Variants in CEP68 observed in about 807,000 individuals in gnomAD.
CEP68 encodes centrosomal protein 68.
A neutral mutation model predicts 55.3 loss-of-function variants in CEP68; 26 were observed. That is an observed-to-expected ratio of 0.47 (90% CI 0.34 to 0.65). The LOEUF is 0.65. Ranked by LOEUF, CEP68 falls within the 30% of genes least tolerant of loss-of-function variation. The pLI is 0.01. For missense variants in CEP68, 957 were observed against 946.7 expected (o/e 1.01, Z -0.14); for synonymous variants, 402 against 383.2 (o/e 1.05, Z -0.57).
intron 4 of CEP68, 84 bp downstream of exon 4, chr2:65,074,488 C>A: frequency 6.3e-7 from 1 of 1,583,918 alleles, no homozygotes. Context: ...CTCAAATAAC[C>A]AATGTCTGGT....
At chr2:65,081,187 G>A (rs1187624331) in intron 5 of CEP68, among the ~76,000 whole-genome samples, 1 of 143,920 alleles carries the variant, frequency 6.9e-6, no homozygotes, top group Non-Finnish European at 1.5e-5. Context: ...ACTCCAGCCT[G>A]GGTGACAGAG....
intron 5 of CEP68, among the ~76,000 whole-genome samples, chr2:65,081,459 T>C (rs141222061): frequency 1.3e-5 from 2 of 152,180 alleles, no homozygotes; most frequent in Non-Finnish European, 1.5e-5. Context: ...TTTCCCTTCC[T>C]CTACTGACAG....
chr2:65,069,988 A>G (rs961082594), intron 2 of CEP68, among the ~76,000 whole-genome samples, 187 bp downstream of exon 2: 1 of 151,858 alleles, frequency 6.6e-6, no homozygotes, highest in Non-Finnish European at 1.5e-5. Context: ...GGCCGGGGGG[A>G]CTGTCCACGG....
At chr2:65,075,940 A>C (rs558597811) in intron 4 of CEP68, among the ~76,000 whole-genome samples, 45 of 151,996 alleles carry the variant, frequency 3.0e-4, no homozygotes, top group Non-Finnish European at 5.9e-4. Context: ...TTTGTTTTCC[A>C]ACTTGGGGCC....
At position 65,066,717 on chromosome 2, in the gene CEP68, ACT is replaced by A. The variant is rs1296889989; in HGVS notation, c.-46-2679_-46-2678del. On this transcript the variant is annotated intron_variant, in intron 1 of 6. Transcript: ENST00000377990. Reference sequence around the variant, plus strand: ...ACACCAGCCTGGAAGACAGAGTGAGACTCTGTCTCAAAAAAAAAAAAAAAAAA... The same window carrying A: ...ACACCAGCCTGGAAGACAGAGTGAGACTGTCTCAAAAAAAAAAAAAAAAAA... 6.0e-5 allele frequency among the ~76,000 whole-genome samples: 6 copies of A among 100,574 alleles called. No homozygotes were observed. The East Asian group carries it at 1.7e-3, about 29-fold the overall frequency. 66.0% of individuals were successfully genotyped at this position (100,574 alleles called of 152,430 possible). A position where few individuals can be genotyped will look rare whatever the true frequency, so the allele number is the denominator to read the frequency against.
chr2:65,058,689 TAG>T (rs1477436180), intron 1 of CEP68, among the ~76,000 whole-genome samples: 2 of 151,800 alleles, frequency 1.3e-5, no homozygotes, highest in African/African-American at 4.9e-5. Flanking sequence ...GTATTTTTGG[TAG>T]AGACAGGGTT....
chr2:65,071,036 C>A (rs1267311123), intron 2 of CEP68: 3 of 186,800 alleles, frequency 1.6e-5, no homozygotes, highest in Non-Finnish European at 3.4e-5. Flanking sequence ...GGCGTGTGAA[C>A]TGAGCAGGAT....
rs900790860 is a variant in CEP68 at position 65,071,864 on chromosome 2, G to C, written c.768G>C (p.Gly256=). The part of the protein sequence containing the change: ...PQWSPQPVFS[G]GDASGLGRRR... ...GGTCACCACAGCCTGTGTTCTCTGG[G>C]GGTGATGCTTCTGGGCTAGGCAGGA... Residue 256 remains glycine (G), a synonymous_variant, in exon 3 of 7, where the codon GGG becomes GGC. Coordinates refer to ENST00000377990, the MANE Select transcript of CEP68 (RefSeq NM_015147.3). 3 of 1,608,492 alleles carry C rather than the reference G, an allele frequency of 1.9e-6. No individual in the cohort carries two copies. In the Admixed American group the frequency reaches 5.0e-5, roughly 27 times the overall value.
At chr2:65,082,430 C>A in intron 5 of CEP68, 106 bp from the exon 6 acceptor site, 2 of 994,318 alleles carry the variant, frequency 2.0e-6, no homozygotes, top group Non-Finnish European at 2.7e-6. Flanking sequence ...CCAGGTCCTA[C>A]TTTGTGTAAA....
In CEP68 at chr2:65,072,156, TCCC is replaced by T; in HGVS notation, c.1063_1065del (p.Pro355del). On this transcript the variant is annotated inframe_deletion, in exon 3 of 7. Coordinates refer to ENST00000377990, the MANE Select transcript of CEP68 (RefSeq NM_015147.3). ...CACCCTCAAATCACCTACTAATGTC[TCCC>T]CCAACTGCCCACCAGCAGAGGCCAC... is the stretch of plus-strand genomic sequence containing the variant. The T allele has an allele frequency of 6.2e-7, 1 of 1,613,694 alleles. No individual in the cohort carries two copies. Among genetic ancestry groups the T allele is most frequent in the African/African-American group, 1.3e-5 (1 of 74,870 alleles).
chr2:65,062,949 C>G (rs894852749), intron 1 of CEP68, among the ~76,000 whole-genome samples: 1 of 152,126 alleles, frequency 6.6e-6, no homozygotes, highest in African/African-American at 2.4e-5. Flanking sequence ...AGAGCCTCAC[C>G]CCTCCCACAG....
At chr2:65,062,439 A>C (rs377348997) in intron 1 of CEP68, among the ~76,000 whole-genome samples, 2 of 151,076 alleles carry the variant, frequency 1.3e-5, no homozygotes, top group East Asian at 3.9e-4. Context: ...AGGCTAAGCC[A>C]GGAGAATTGC....
chr2:65,063,876 G>A (rs139344297), intron 1 of CEP68, among the ~76,000 whole-genome samples: 77 of 152,204 alleles, frequency 5.1e-4, no homozygotes, highest in Non-Finnish European at 9.0e-4. Flanking sequence ...TCTCCCTTTC[G>A]TTGCATTTTG....
chr2:65,079,686 C>A (rs1336353755), intron 5 of CEP68, among the ~76,000 whole-genome samples: 1 of 152,238 alleles, frequency 6.6e-6, no homozygotes, highest in Non-Finnish European at 1.5e-5. Context: ...CATTTAATCA[C>A]AGCCCTGTGA....
rs1214519026 is a variant in CEP68 at position 65,084,664 on chromosome 2, AAGG to A, written c.*1035_*1037del. 6.6e-6 allele frequency: 1 copy of A among 152,214 alleles called. No homozygotes were observed. The highest frequency in any genetic ancestry group is 1.5e-5 in the Non-Finnish European group (1 of 68,038). The allele number at this position is 152,214 out of a possible 1,614,324, so 9.4% of individuals were successfully genotyped here. On this transcript the variant is annotated 3_prime_UTR_variant, in exon 7 of 7. Coordinates refer to ENST00000377990, the MANE Select transcript of CEP68 (RefSeq NM_015147.3). The stretch of plus-strand genomic sequence containing the variant: ...TCTGTTGGGCCATGAATGAACCTGG[AAGG>A]AGGAAAGCACAGTAACAATGGAAAC...
rs1227344211 is a variant in CEP68 at position 65,086,696 on chromosome 2, A to G, written c.*3062A>G. ...GTTTTGTGTCATTTAGCTACTTTAG[A>G]AAATAGTTTCTGAACTCTTTCCCCC... On this transcript the variant is annotated 3_prime_UTR_variant, in exon 7 of 7. Coordinates refer to ENST00000377990, the MANE Select transcript of CEP68 (RefSeq NM_015147.3). 1 of 152,552 alleles carries G rather than the reference A, an allele frequency of 6.6e-6. No individual in the cohort carries two copies. Among genetic ancestry groups the G allele is most frequent in the Non-Finnish European group, 1.5e-5 (1 of 68,040 alleles). 9.4% of individuals were successfully genotyped at this position (152,552 alleles called of 1,614,324 possible). A position where few individuals can be genotyped will look rare whatever the true frequency, so the allele number is the denominator to read the frequency against.
chr2:65,056,630 C>T (rs1675603960), intron 1 of CEP68, 102 bp downstream of exon 1: 1 of 152,032 alleles, frequency 6.6e-6, no homozygotes. Context: ...CCCTCCCCCG[C>T]GTCTCTTCGG....
rs200007619 is a variant in CEP68, at chr2:65,074,396, C to T, written c.1999C>T (p.Leu667Phe). Reference protein sequence around the residue: ...NLTSLKSSLQLYRQFKKDIDE... With the variant: ...NLTSLKSSLQFYRQFKKDIDE... ...TACAAGTCTCAAGTCTTCTCTGCAG[C>T]TTTACCGGGTAATATGCGGTCCTGG... Residue 667 changes from leucine to phenylalanine, a missense_variant, in exon 4 of 7, where the codon CTT (leucine) becomes TTT (phenylalanine). Leu to Phe is a conservative substitution (Grantham distance 22). Transcript: ENST00000377990. 3 of 1,614,156 alleles carry T rather than the reference C, an allele frequency of 1.9e-6. No individual in the cohort carries two copies. The highest frequency in any genetic ancestry group is 2.5e-6 in the Non-Finnish European group (3 of 1,179,990).
chr2:65,074,247 A>C, intron 3 of CEP68, 35 bp from the exon 4 acceptor site: 1 of 1,609,276 alleles, frequency 6.2e-7, no homozygotes, highest in South Asian at 1.1e-5. Flanking sequence ...CTGTTCGATC[A>C]GTAACACCAT....
Sources: allele counts gnomAD v4.1 joint callset (sites outside exome capture counted in the v4.1 genomes callset), GRCh38; gene constraint gnomAD v4.1.1; transcripts MANE v1.5; gene names NCBI Gene and HGNC (gene_info 2026-07-23, HGNC 2026-07-21).